OSBPL10: variants seen among roughly 807,000 people sequenced by gnomAD.
The protein encoded by OSBPL10 is oxysterol-binding protein-related protein 10.
Under a neutral mutation model 81.7 loss-of-function variants are expected in OSBPL10, and 49 were observed. The ratio of observed to expected loss-of-function variants is 0.60; its 90% CI spans 0.48 to 0.76. The LOEUF is 0.76. Among genes scored for constraint, OSBPL10 ranks in the 30% least tolerant of loss-of-function variants. The probability of loss-of-function intolerance (pLI) is 0.00; values close to 1 mark genes in which losing one functional copy is unlikely to be tolerated. For synonymous variants in OSBPL10, 419 were observed against 383.6 expected, an observed-to-expected ratio of 1.09 and a Z score of -1.08; for missense variants, 923 against 987.8, an observed-to-expected ratio of 0.93 and a Z score of 0.88.
At chr3:31,756,345 C>CA (rs547979703) in intron 4 of OSBPL10, among the ~76,000 whole-genome samples, 75 of 152,164 alleles carry the variant, frequency 4.9e-4, no homozygotes, top group Non-Finnish European at 9.1e-4. Context: ...TCAGCCCACC[C>CA]ATTCTCACCA....
intron 8 of OSBPL10, among the ~76,000 whole-genome samples, chr3:31,676,698 CTG>C (rs1232253894): frequency 1.3e-5 from 2 of 152,234 alleles, no homozygotes; most frequent in Non-Finnish European, 2.9e-5. Context: ...TTAGAACTAA[CTG>C]TTTTTCCCCA....
At chr3:31,878,078 A>G (rs1409618416) in intron 2 of OSBPL10, among the ~76,000 whole-genome samples, 1 of 152,098 alleles carries the variant, frequency 6.6e-6, no homozygotes, top group Non-Finnish European at 1.5e-5. Flanking sequence ...ACTTTTTTTT[A>G]TAGTTACGCT....
intron 2 of OSBPL10, among the ~76,000 whole-genome samples, chr3:32,011,274 G>GCTGTTCAGCAATATTCA (rs1699253805): frequency 1.3e-5 from 2 of 152,200 alleles, no homozygotes; most frequent in South Asian, 4.1e-4. Flanking sequence ...AGCAATATTT[G>GCTGTTCAGCAATATTCA]CTGTTCAGCA....
At chr3:31,768,922 A>C (rs1575531914) in intron 4 of OSBPL10, among the ~76,000 whole-genome samples, 1 of 152,336 alleles carries the variant, frequency 6.6e-6, no homozygotes, top group South Asian at 2.1e-4. Context: ...AATCTGAAGA[A>C]CAATGACCAT....
intron 4 of OSBPL10, among the ~76,000 whole-genome samples, chr3:31,801,512 A>T (rs1048396151): frequency 6.6e-6 from 1 of 152,234 alleles, no homozygotes; most frequent in Non-Finnish European, 1.5e-5. Flanking sequence ...AGTGTGGGTG[A>T]AACAGAGGCC....
intron 4 of OSBPL10, among the ~76,000 whole-genome samples, chr3:31,754,512 A>G (rs1444538122): frequency 1.3e-5 from 2 of 152,180 alleles, no homozygotes; most frequent in Admixed American, 6.6e-5. Context: ...AGAAACCAAT[A>G]TAAGAAATAT....
At chr3:31,705,616 C>T (rs1042571530) in intron 6 of OSBPL10, among the ~76,000 whole-genome samples, 4 of 152,132 alleles carry the variant, frequency 2.6e-5, no homozygotes, top group East Asian at 1.9e-4. Context: ...TTGTTGATTC[C>T]GCTACTCTGA....
At chr3:31,720,904 A>AAAAAAC (rs1234644853) in intron 6 of OSBPL10, among the ~76,000 whole-genome samples, 10 of 147,458 alleles carry the variant, frequency 6.8e-5, no homozygotes, top group African/African-American at 2.2e-4. Flanking sequence ...AAAAAAAAAA[A>AAAAAAC]GGCCCAAAGA....
intron 6 of OSBPL10, among the ~76,000 whole-genome samples, chr3:31,720,986 A>C (rs190219630): frequency 4.7e-4 from 71 of 152,164 alleles, no homozygotes; most frequent in Admixed American, 3.7e-3. Context: ...TGAGTTTGCT[A>C]ATCAGCTGAT....
chr3:31,841,694 C>G (rs957499159), intron 3 of OSBPL10, among the ~76,000 whole-genome samples: 3 of 152,218 alleles, frequency 2.0e-5, no homozygotes, highest in Non-Finnish European at 4.4e-5. Flanking sequence ...CTAGTGCTGA[C>G]TCAAAGCCTT....
At chr3:31,893,822 A>G (rs904607853) in intron 1 of OSBPL10, among the ~76,000 whole-genome samples, 2 of 152,208 alleles carry the variant, frequency 1.3e-5, no homozygotes, top group African/African-American at 4.8e-5. Flanking sequence ...CAAAAAGATA[A>G]GTGGTTGTCT....
intron 4 of OSBPL10, among the ~76,000 whole-genome samples, chr3:31,820,929 G>A (rs192905099): frequency 6.6e-6 from 1 of 152,276 alleles, no homozygotes; most frequent in East Asian, 1.9e-4. Context: ...AGTGCTAGGT[G>A]CTGTGCTAAG....
chr3:31,770,891 T>TGGTC (rs1041216370), intron 4 of OSBPL10, among the ~76,000 whole-genome samples: 1 of 152,244 alleles, frequency 6.6e-6, no homozygotes, highest in Non-Finnish European at 1.5e-5. Context: ...ATTTGTTTAC[T>TGGTC]GGTCGAGGGA....
chr3:31,681,001 A>G (rs1018383924), intron 8 of OSBPL10, among the ~76,000 whole-genome samples: 10 of 130,086 alleles, frequency 7.7e-5, no homozygotes, highest in African/African-American at 2.8e-4. Context: ...CTCATTATTG[A>G]TGAGGTTTAT....
At chr3:31,933,490 G>A (rs749237106) in intron 1 of OSBPL10, among the ~76,000 whole-genome samples, 1 of 151,436 alleles carries the variant, frequency 6.6e-6, no homozygotes, top group African/African-American at 2.4e-5. Context: ...CTGCAGCCTC[G>A]ATCTCCTGGG....
At chr3:31,841,745 C>G (rs1700503823) in intron 3 of OSBPL10, among the ~76,000 whole-genome samples, 1 of 152,216 alleles carries the variant, frequency 6.6e-6, no homozygotes, top group Non-Finnish European at 1.5e-5. Context: ...ACCAGCTGAG[C>G]TGGGTATTTA....
At chr3:31,930,461 C>T (rs1331721506) in intron 1 of OSBPL10, among the ~76,000 whole-genome samples, 7 of 152,110 alleles carry the variant, frequency 4.6e-5, no homozygotes, top group Non-Finnish European at 8.8e-5. Context: ...TTTCTATTCT[C>T]AACATTTACC....
intron 2 of OSBPL10, among the ~76,000 whole-genome samples, chr3:32,017,941 G>A (rs541416255): frequency 1.9e-4 from 29 of 152,162 alleles, no homozygotes; most frequent in African/African-American, 6.5e-4. Flanking sequence ...TTGAGGTCAG[G>A]AGTTCGAGAC....
intron 1 of OSBPL10, among the ~76,000 whole-genome samples, chr3:31,974,146 G>T (rs988291539): frequency 6.6e-6 from 1 of 152,196 alleles, no homozygotes; most frequent in Non-Finnish European, 1.5e-5. Flanking sequence ...AGAGCAGCTT[G>T]CAAAACATGA....
Sources: gnomAD v4.1 joint callset for allele counts (sites outside exome capture counted in the v4.1 genomes callset) on GRCh38, gnomAD v4.1.1 for gene constraint, MANE v1.5 for transcripts, NCBI Gene and HGNC (gene_info 2026-07-23, HGNC 2026-07-21) for gene names.